The following MEI4 variants were observed in gnomAD, a reference collection of about 807,000 sequenced individuals.
MEI4 encodes the protein meiotic double-stranded break formation protein 4, also known as meiosis-specific protein MEI4.
Under a neutral mutation model 31.4 loss-of-function variants are expected in MEI4, and 27 were observed. That is an observed-to-expected ratio of 0.86 (90% confidence interval 0.63 to 1.19). The LOEUF (loss-of-function observed/expected upper bound fraction) is 1.19. Among genes scored for constraint, MEI4 ranks in the 50% most tolerant of loss-of-function variants. The pLI is 0.00. For synonymous variants in MEI4, 122 were observed against 145.4 expected (o/e 0.84, Z 1.16); for missense variants, 329 against 398.9 (o/e 0.82, Z 1.49).
intron 3 of MEI4, among the ~76,000 whole-genome samples, chr6:77,772,452 A>AT (rs369368259): frequency 6.6e-6 from 1 of 152,164 alleles, no homozygotes; most frequent in African/African-American, 2.4e-5. Flanking sequence ...TATTATCAGA[A>AT]TGAATGACAA....
chr6:77,889,272 T>G (rs1003369805), intron 4 of MEI4, among the ~76,000 whole-genome samples: 3 of 152,128 alleles, frequency 2.0e-5, no homozygotes, highest in Non-Finnish European at 4.4e-5. Flanking sequence ...GTTTGGAATT[T>G]CCTAGAGACT....
At chr6:77,841,497 T>G (rs118179743) in intron 4 of MEI4, among the ~76,000 whole-genome samples, 11,198 of 150,800 alleles carry the variant, frequency 0.074, 573 homozygotes, top group Middle Eastern at 0.15. Flanking sequence ...GTGCCACTAC[T>G]CGTGGCTAAT....
intron 4 of MEI4, among the ~76,000 whole-genome samples, chr6:77,911,687 A>G (rs907368098): frequency 1.3e-5 from 2 of 149,196 alleles, no homozygotes; most frequent in African/African-American, 2.4e-5. Context: ...TGATATATAT[A>G]ATGCATATAT....
In MEI4 at chr6:77,690,858, C is replaced by T; in HGVS notation, c.187C>T (p.Gln63Ter). 8.1e-7 allele frequency: 1 copy of T among 1,231,298 alleles called. No homozygotes were observed. The highest frequency in any genetic ancestry group is 1.0e-6 in the Non-Finnish European group (1 of 987,306). 76.3% of individuals were successfully genotyped at this position (1,231,298 alleles called of 1,614,324 possible). A position where few individuals can be genotyped will look rare whatever the true frequency, so the allele number is the denominator to read the frequency against. ...ILEAEVMQLR[Q>*]KLLVSRLCSG... ...GGAAGCTGAAGTTATGCAATTACGTCAAAAACTTCTTGTGAGCAGGCTTTG... is the reference window on the plus strand; with the variant it reads ...GGAAGCTGAAGTTATGCAATTACGTTAAAAACTTCTTGTGAGCAGGCTTTG... The change falls in exon 2 of 5, where the codon CAA becomes TAA. Residue 63 changes from glutamine (Q) to a stop codon, truncating the protein, a stop_gained. Transcript: ENST00000684080. LOFTEE classifies it high-confidence loss of function.
intron 4 of MEI4, among the ~76,000 whole-genome samples, chr6:77,914,799 G>A (rs2127740161): frequency 6.6e-6 from 1 of 152,118 alleles, no homozygotes; most frequent in African/African-American, 2.4e-5. Context: ...TATCTTCGTG[G>A]TGTATTGTAC....
chr6:77,794,656 T>G (rs887403192), intron 3 of MEI4, among the ~76,000 whole-genome samples: 1 of 151,846 alleles, frequency 6.6e-6, no homozygotes, highest in Non-Finnish European at 1.5e-5. Flanking sequence ...CACTCAATAA[T>G]AGTAAGGGGC....
At chr6:77,896,884 C>T (rs549510737) in intron 4 of MEI4, among the ~76,000 whole-genome samples, 2 of 152,048 alleles carry the variant, frequency 1.3e-5, no homozygotes, top group East Asian at 1.9e-4. Context: ...TAATTTTTCT[C>T]TAGATACAAA....
intron 2 of MEI4, among the ~76,000 whole-genome samples, chr6:77,743,325 G>A (rs915523153): frequency 6.6e-6 from 1 of 152,098 alleles, no homozygotes; most frequent in Non-Finnish European, 1.5e-5. Flanking sequence ...TCTCCTTGAA[G>A]AGGTCCTTCA....
At chr6:77,749,525 G>A (rs908695161) in intron 2 of MEI4, among the ~76,000 whole-genome samples, 1 of 152,120 alleles carries the variant, frequency 6.6e-6, no homozygotes, top group Admixed American at 6.6e-5. Flanking sequence ...ATCAGAGATT[G>A]AAGATCAACT....
At chr6:77,852,775 A>C (rs1207956983) in intron 4 of MEI4, among the ~76,000 whole-genome samples, 2 of 151,838 alleles carry the variant, frequency 1.3e-5, no homozygotes, top group African/African-American at 4.8e-5. Flanking sequence ...TATGACTCTA[A>C]TCTTATCTCC....
Position 77,761,126 on chromosome 6 carries a change from T to G in MEI4, c.233-4T>G. The stretch of plus-strand genomic sequence containing the variant: ...GATAATCCTTCTATTCCTTTATTTT[T>G]CAGGATACGTTTCCTCCCAGTTGGA... On this transcript the variant is annotated splice_polypyrimidine_tract_variant and splice_region_variant and intron_variant, in intron 2 of 4. Transcript: ENST00000684080. 8.1e-7 allele frequency: 1 copy of G among 1,231,814 alleles called. No homozygotes were observed. Among genetic ancestry groups the G allele is most frequent in the Non-Finnish European group, 1.0e-6 (1 of 987,694 alleles). 76.3% of individuals were successfully genotyped at this position (1,231,814 alleles called of 1,614,324 possible). A position where few individuals can be genotyped will look rare whatever the true frequency, so the allele number is the denominator to read the frequency against.
intron 3 of MEI4, 58 bp downstream of exon 3, chr6:77,761,723 T>G: frequency 1.8e-6 from 2 of 1,125,844 alleles, no homozygotes; most frequent in Non-Finnish European, 2.2e-6. Flanking sequence ...TGAACATCTC[T>G]TTGGGTAATG....
At chr6:77,813,977 T>C (rs745894119) in intron 3 of MEI4, among the ~76,000 whole-genome samples, 4 of 152,126 alleles carry the variant, frequency 2.6e-5, no homozygotes, top group Non-Finnish European at 5.9e-5. Context: ...TCCTTTGGGA[T>C]TTTTAAACAT....
intron 4 of MEI4, among the ~76,000 whole-genome samples, chr6:77,857,152 T>C (rs1037634665): frequency 2.6e-5 from 4 of 152,186 alleles, no homozygotes; most frequent in African/African-American, 9.7e-5. Context: ...TTGGCAACTT[T>C]GAACTAATGT....
At chr6:77,799,015 G>A (rs1292270965) in intron 3 of MEI4, among the ~76,000 whole-genome samples, 1 of 152,022 alleles carries the variant, frequency 6.6e-6, no homozygotes, top group Non-Finnish European at 1.5e-5. Flanking sequence ...CCCAGTAATG[G>A]GATTGCTGGG....
intron 4 of MEI4, among the ~76,000 whole-genome samples, chr6:77,887,443 T>A (rs532497490): frequency 2.0e-5 from 3 of 151,804 alleles, no homozygotes; most frequent in African/African-American, 7.3e-5. Flanking sequence ...ATTACAGGCA[T>A]CGCCCACCAC....
intron 2 of MEI4, among the ~76,000 whole-genome samples, chr6:77,752,638 G>T (rs1256690471): frequency 2.0e-5 from 3 of 152,138 alleles, no homozygotes; most frequent in Non-Finnish European, 4.4e-5. Flanking sequence ...AACTTTCCAT[G>T]CTCATTGATA....
intron 4 of MEI4, among the ~76,000 whole-genome samples, chr6:77,896,176 AG>A (rs1766080695): frequency 6.6e-6 from 1 of 151,824 alleles, no homozygotes; most frequent in South Asian, 2.1e-4. Context: ...CTGAGAACAG[AG>A]GAATGCAAGC....
chr6:77,779,592 C>T (rs1013502719), intron 3 of MEI4, among the ~76,000 whole-genome samples: 8 of 152,126 alleles, frequency 5.3e-5, no homozygotes, highest in African/African-American at 7.2e-5. Context: ...TTAAGACACA[C>T]GTGCCTTTTG....
Sources: allele counts gnomAD v4.1 joint callset (sites outside exome capture counted in the v4.1 genomes callset), GRCh38; gene constraint gnomAD v4.1.1; transcripts MANE v1.5; gene names NCBI Gene and HGNC (gene_info 2026-07-23, HGNC 2026-07-21).